CNTN4: variants seen among roughly 807,000 people sequenced by gnomAD.
CNTN4 encodes contactin-4.
CNTN4 carries 77 observed loss-of-function variants against 122.5 expected under a neutral mutation model. The observed-to-expected ratio is 0.63, with a 90% confidence interval of 0.52 to 0.76. The LOEUF (loss-of-function observed/expected upper bound fraction) is 0.76. Among genes scored for constraint, CNTN4 ranks in the 30% least tolerant of loss-of-function variants. The pLI, the probability that CNTN4 is intolerant of heterozygous loss-of-function variation, is 0.00. For missense variants in CNTN4, 1,256 were observed against 1,259.1 expected, an observed-to-expected ratio of 1.00 and a Z score of 0.04; for synonymous variants, 512 against 447.0, an observed-to-expected ratio of 1.15 and a Z score of -1.83.
intron 2 of CNTN4, among the ~76,000 whole-genome samples, chr3:2,248,028 A>G (rs1360492432): frequency 2.0e-5 from 3 of 151,816 alleles, no homozygotes; most frequent in African/African-American, 7.2e-5. Flanking sequence ...ACCACCTGAC[A>G]TGTGATATAT....
intron 3 of CNTN4, among the ~76,000 whole-genome samples, chr3:2,530,707 C>T (rs1179796529): frequency 6.6e-6 from 1 of 152,104 alleles, no homozygotes; most frequent in Non-Finnish European, 1.5e-5. Context: ...GTGCTATTTG[C>T]ATTTTCCTTT....
At position 2,610,022 on chromosome 3, in the gene CNTN4, C is replaced by T. The variant is rs532899319; in HGVS notation, c.55+38464C>T. 1.5e-4 allele frequency among the ~76,000 whole-genome samples: 23 copies of T among 152,158 alleles called. 1 individual carries two copies. In the South Asian group the frequency reaches 1.9e-3, roughly 12 times the overall value. On this transcript the variant is annotated intron_variant, in intron 4 of 24. Coordinates refer to ENST00000418658, the MANE Select transcript of CNTN4 (RefSeq NM_175607.3). ...ATCTTCTTGATTTCTCTGTCTCTCCCGAGCACAGTGCCCGCACATGGTAGG... is the reference window on the plus strand; with the variant it reads ...ATCTTCTTGATTTCTCTGTCTCTCCTGAGCACAGTGCCCGCACATGGTAGG...
chr3:2,703,605 C>G (rs2149272300), intron 4 of CNTN4, among the ~76,000 whole-genome samples: 1 of 151,870 alleles, frequency 6.6e-6, no homozygotes, highest in African/African-American at 2.4e-5. Flanking sequence ...CTAGAAATTC[C>G]ACATATTAGC....
intron 2 of CNTN4, among the ~76,000 whole-genome samples, chr3:2,224,740 C>T (rs987966661): frequency 1.3e-5 from 2 of 152,178 alleles, no homozygotes; most frequent in Non-Finnish European, 2.9e-5. Flanking sequence ...TACTAAAGTA[C>T]ATCCTGTCAG....
In CNTN4 at chr3:2,883,202, C is replaced by T; in HGVS notation, c.710C>T (p.Thr237Ile). ...GTGCAGTTCCCAGAAACAGTTCCGA[C>T]TGCAAAAGGAGCAACGGTGAAGCTG... The part of the protein sequence containing the change: ...IEVQFPETVP[T>I]AKGATVKLEC... Residue 237 changes from threonine (T) to isoleucine (I), a missense_variant, in exon 9 of 25, where the codon ACT (threonine) becomes ATT (isoleucine). Physicochemically the swap from Thr to Ile is moderately conservative, Grantham distance 89. Coordinates refer to ENST00000418658, the MANE Select transcript of CNTN4 (RefSeq NM_175607.3). The T allele has an allele frequency of 6.2e-7, 1 of 1,613,882 alleles. No individual in the cohort carries two copies. Among genetic ancestry groups the T allele is most frequent in the Non-Finnish European group, 8.5e-7 (1 of 1,179,872 alleles).
intron 3 of CNTN4, among the ~76,000 whole-genome samples, chr3:2,368,133 T>C (rs113521342): frequency 0.37 from 55,138 of 149,056 alleles, 10,436 homozygotes; most frequent in Middle Eastern, 0.48. Context: ...CCTGGGTTCA[T>C]GCCATTCTCC....
At chr3:2,779,630 CT>C (rs2091487431) in intron 6 of CNTN4, among the ~76,000 whole-genome samples, 1 of 152,166 alleles carries the variant, frequency 6.6e-6, no homozygotes. Flanking sequence ...ATGTGATGAA[CT>C]TTGTGTAAGT....
intron 3 of CNTN4, among the ~76,000 whole-genome samples, chr3:2,564,724 G>C (rs9817695): frequency 1.5e-3 from 226 of 152,000 alleles, no homozygotes; most frequent in African/African-American, 5.3e-3. Context: ...TCCGTTTTTT[G>C]AAGAGGGTCT....
chr3:2,399,946 T>C (rs1374422975), intron 3 of CNTN4, among the ~76,000 whole-genome samples: 1 of 152,088 alleles, frequency 6.6e-6, no homozygotes, highest in East Asian at 1.9e-4. Context: ...TCAATAAATG[T>C]GAGTGATTTC....
chr3:2,367,520 C>G (rs2045439277), intron 3 of CNTN4, among the ~76,000 whole-genome samples: 1 of 151,980 alleles, frequency 6.6e-6, no homozygotes, highest in Admixed American at 6.6e-5. Context: ...TGAGATGAGT[C>G]TTTTTTTTAT....
intron 4 of CNTN4, among the ~76,000 whole-genome samples, chr3:2,711,365 T>C (rs2087140244): frequency 6.6e-6 from 1 of 152,200 alleles, no homozygotes; most frequent in Non-Finnish European, 1.5e-5. Context: ...CCTGATTTTT[T>C]AAGAGCCGCT....
rs369966042 is a variant in CNTN4, at chr3:2,201,729, G to A, written c.-145+101090G>A. On this transcript the variant is annotated intron_variant, in intron 2 of 24. Transcript: ENST00000418658. ...CTTGAGAATCCTTCAGCTGGCATGC[G>A]CTGCTGGCAAAAAAGGATATTTTTT... 2.0e-5 allele frequency among the ~76,000 whole-genome samples: 3 copies of A among 152,062 alleles called. No individual in the cohort carries two copies. In the East Asian group the frequency reaches 5.8e-4, roughly 29 times the overall value.
chr3:2,289,143 A>G (rs115429187), intron 2 of CNTN4, among the ~76,000 whole-genome samples: 2 of 152,212 alleles, frequency 1.3e-5, no homozygotes, highest in Non-Finnish European at 2.9e-5. Context: ...CCCAATGCCT[A>G]TCATACATTC....
intron 2 of CNTN4, among the ~76,000 whole-genome samples, chr3:2,298,670 A>G (rs930464980): frequency 2.6e-5 from 4 of 152,150 alleles, no homozygotes; most frequent in African/African-American, 7.2e-5. Context: ...CTACATTTCA[A>G]CCAAAAAAGT....
At chr3:2,806,267 C>G (rs1382700802) in intron 6 of CNTN4, among the ~76,000 whole-genome samples, 1 of 152,190 alleles carries the variant, frequency 6.6e-6, no homozygotes, top group East Asian at 1.9e-4. Flanking sequence ...GCTCTACATA[C>G]TTTCTTTACA....
intron 4 of CNTN4, among the ~76,000 whole-genome samples, chr3:2,698,841 A>G (rs1257807420): frequency 6.6e-6 from 1 of 152,146 alleles, no homozygotes; most frequent in Non-Finnish European, 1.5e-5. Context: ...AACTTCGTGA[A>G]ACTCTGTCTC....
intron 13 of CNTN4, among the ~76,000 whole-genome samples, chr3:2,961,217 G>C (rs57543147): frequency 0.31 from 33,749 of 109,254 alleles, 5,841 homozygotes; most frequent in East Asian, 0.56. Flanking sequence ...GCGACAGAAC[G>C]AGACTCCATC....
In CNTN4 at chr3:2,819,493, C is replaced by G. The variant is rs1184952130; in HGVS notation, c.366C>G (p.Asp122Glu). The change falls in exon 7 of 25, where the codon GAC becomes GAG. Residue 122 changes from aspartate (D) to glutamate (E), a missense_variant. Coordinates refer to ENST00000418658, the MANE Select transcript of CNTN4 (RefSeq NM_175607.3). The part of the protein sequence containing the change: ...REAKLQFAYL[D>E]NFKTRTRSTV... The stretch of plus-strand genomic sequence containing the variant: ...CCATATTTCTCCCAACAGATCTTGA[C>G]AACTTTAAAACAAGAACAAGAAGCA... 4.3e-6 allele frequency: 7 copies of G among 1,613,362 alleles called. No individual in the cohort carries two copies. In the African/African-American group the frequency reaches 8.0e-5, roughly 18 times the overall value.
At chr3:2,455,530 G>A (rs993544257) in intron 3 of CNTN4, among the ~76,000 whole-genome samples, 5 of 151,888 alleles carry the variant, frequency 3.3e-5, no homozygotes, top group African/African-American at 1.2e-4. Flanking sequence ...TCCCATTACC[G>A]GAAATCTCTT....
Sources: gnomAD v4.1 joint callset for allele counts (sites outside exome capture counted in the v4.1 genomes callset) on GRCh38, gnomAD v4.1.1 for gene constraint, MANE v1.5 for transcripts, NCBI Gene and HGNC (gene_info 2026-07-23, HGNC 2026-07-21) for gene names.